WDR17: variants seen among roughly 807,000 people sequenced by gnomAD.
WDR17 encodes the protein WD repeat domain 17.
In WDR17, 143 loss-of-function variants were observed where a neutral mutation model predicts 161.7. The ratio of observed to expected loss-of-function variants is 0.88; its 90% CI spans 0.77 to 1.02. The LOEUF (loss-of-function observed/expected upper bound fraction) is 1.02. Among genes scored for constraint, WDR17 ranks in the 50% least tolerant of loss-of-function variants. The probability of loss-of-function intolerance (pLI) is 0.00; values close to 1 mark genes in which losing one functional copy is unlikely to be tolerated. For synonymous variants in WDR17, 517 were observed against 515.6 expected, an observed-to-expected ratio of 1.00 and a Z score of -0.04; for missense variants, 1,469 against 1,520.9, an observed-to-expected ratio of 0.97 and a Z score of 0.57.
chr4:176,152,108 G>A (rs770495133), intron 17 of WDR17, 141 bp downstream of exon 17: 6 of 724,724 alleles, frequency 8.3e-6, no homozygotes, highest in East Asian at 3.1e-5. Context: ...CCAGGAGTTC[G>A]ATACTAGCCT....
chr4:176,119,055 G>A (rs1027540679), intron 3 of WDR17, among the ~76,000 whole-genome samples: 1 of 152,068 alleles, frequency 6.6e-6, no homozygotes, highest in Non-Finnish European at 1.5e-5. Flanking sequence ...TCATGATTTT[G>A]ATGCAGCCAG....
chr4:176,125,803 C>T (rs1742359954), intron 5 of WDR17, among the ~76,000 whole-genome samples: 1 of 152,128 alleles, frequency 6.6e-6, no homozygotes, highest in Admixed American at 6.5e-5. Context: ...CAGAATACCA[C>T]AAGCTGAGTA....
chr4:176,124,271 C>T (rs1407017228), intron 4 of WDR17, among the ~76,000 whole-genome samples: 1 of 152,286 alleles, frequency 6.6e-6, no homozygotes, highest in South Asian at 2.1e-4. Context: ...CAGTGGAGTT[C>T]CCATGTGGTA....
rs1746975075 is a variant in WDR17 at position 176,150,686 on chromosome 4, A to C, written c.2304+93A>C. ...AATGATTTTAAAAATATATATGATT[A>C]GATCGGTAGATTTAAATAAATGAAC... On this transcript the variant is annotated intron_variant, in intron 16 of 28. Transcript: ENST00000508596. The C allele has an allele frequency of 3.1e-6, 4 of 1,274,216 alleles. No homozygotes were observed. The South Asian group carries it at 7.3e-5, about 23-fold the overall frequency. The allele number at this position is 1,274,216 out of a possible 1,614,324, so 78.9% of individuals were successfully genotyped here.
At chr4:176,173,200 TA>T (rs147618442) in intron 24 of WDR17, 66 bp from the exon 25 acceptor site, 1 of 1,076,380 alleles carries the variant, frequency 9.3e-7, no homozygotes, top group Non-Finnish European at 1.4e-6. Flanking sequence ...TTATATAAGT[TA>T]AAAATGGATG....
chr4:176,133,197 T>TA (rs1743794966), intron 7 of WDR17, among the ~76,000 whole-genome samples: 1 of 144,148 alleles, frequency 6.9e-6, no homozygotes. Context: ...TTTTTTTTTT[T>TA]ACCACTTCAC....
At chr4:176,144,769 A>G (rs1579179027) in intron 11 of WDR17, among the ~76,000 whole-genome samples, 1 of 152,152 alleles carries the variant, frequency 6.6e-6, no homozygotes, top group Admixed American at 6.5e-5. Flanking sequence ...TGAACCTTGA[A>G]CATACCAAAG....
At chr4:176,160,786 T>G (rs1160775740) in intron 19 of WDR17, 125 bp from the exon 20 acceptor site, 1 of 787,480 alleles carries the variant, frequency 1.3e-6, no homozygotes, top group African/African-American at 1.8e-5. Flanking sequence ...ATTCTAAGAT[T>G]ATCTCCAAAT....
rs869298899 is a variant in WDR17, at chr4:176,177,985, C to CAAAAAAAAAAAAAAAA, written c.3732+362_3732+377dup. Among the ~76,000 whole-genome samples the CAAAAAAAAAAAAAAAA allele has an allele frequency of 3.5e-4, 16 of 46,298 alleles. 1 individual carries two copies. The highest frequency in any genetic ancestry group is 4.6e-4 in the Non-Finnish European group (12 of 26,032). The allele number at this position is 46,298 out of a possible 152,430, so 30.4% of individuals were successfully genotyped here. On this transcript the variant is annotated intron_variant, in intron 28 of 28. Transcript: ENST00000508596. Reference sequence around the variant, plus strand: ...GGGCAACAAGAGTGAAACTCCGTCTCAAAAAAAAAAAAAAAAAAAAAAAAA... The same window carrying CAAAAAAAAAAAAAAAA: ...GGGCAACAAGAGTGAAACTCCGTCTCAAAAAAAAAAAAAAAAAAAAAAAAAAAAAAAAAAAAAAAAA...
intron 13 of WDR17, among the ~76,000 whole-genome samples, chr4:176,148,857 A>G (rs1746630022): frequency 6.6e-6 from 1 of 152,154 alleles, no homozygotes; most frequent in Non-Finnish European, 1.5e-5. Flanking sequence ...CCATTTGCAC[A>G]TCTCTTCACT....
At chr4:176,107,715 TGA>T (rs1738980506) in intron 1 of WDR17, among the ~76,000 whole-genome samples, 1 of 152,060 alleles carries the variant, frequency 6.6e-6, no homozygotes, top group African/African-American at 2.4e-5. Flanking sequence ...TTGTCACTCT[TGA>T]GTTTTAGGAA....
intron 1 of WDR17, among the ~76,000 whole-genome samples, chr4:176,090,722 A>T (rs1044741974): frequency 6.6e-6 from 1 of 152,188 alleles, no homozygotes; most frequent in Non-Finnish European, 1.5e-5. Flanking sequence ...TAGAGTATGG[A>T]GTGGGAAATT....
At chr4:176,104,419 A>G (rs1049556476) in intron 1 of WDR17, among the ~76,000 whole-genome samples, 6 of 152,104 alleles carry the variant, frequency 3.9e-5, no homozygotes, top group Non-Finnish European at 8.8e-5. Flanking sequence ...CATTTAAGAG[A>G]ATAAAATATT....
At chr4:176,070,122 G>A (rs1733035841) in intron 1 of WDR17, among the ~76,000 whole-genome samples, 1 of 152,148 alleles carries the variant, frequency 6.6e-6, no homozygotes, top group Non-Finnish European at 1.5e-5. Flanking sequence ...GCTGGCTTAT[G>A]TTCTACTTCT....
rs111341420 is a variant in WDR17, at chr4:176,174,623, A to G, written c.3354A>G (p.Arg1118=). 6.2e-7 allele frequency: 1 copy of G among 1,605,182 alleles called. No homozygotes were observed. The highest frequency in any genetic ancestry group is 8.5e-7 in the Non-Finnish European group (1 of 1,175,736). The change falls in exon 26 of 29, where the codon CGA becomes CGG. Residue 1118 remains arginine (R), a synonymous_variant. Coordinates refer to ENST00000508596, the MANE Select transcript of WDR17 (RefSeq NM_181265.4). The part of the protein sequence containing the change: ...KLLLHTCTEA[R]NELLILCGYI... Reference sequence around the variant, plus strand: ...TAAATATATTCTCTTTTAGAGCTCGAAATGAGTTGCTGATATTATGTGGTT... The same window carrying G: ...TAAATATATTCTCTTTTAGAGCTCGGAATGAGTTGCTGATATTATGTGGTT...
chr4:176,091,062 C>A (rs1386962846), intron 1 of WDR17, among the ~76,000 whole-genome samples: 1 of 152,184 alleles, frequency 6.6e-6, no homozygotes, highest in Non-Finnish European at 1.5e-5. Flanking sequence ...ATGGCCATCA[C>A]AAGCATGTCA....
intron 18 of WDR17, among the ~76,000 whole-genome samples, chr4:176,159,060 T>C (rs1748596668): frequency 6.6e-6 from 1 of 152,170 alleles, no homozygotes; most frequent in African/African-American, 2.4e-5. Flanking sequence ...GCAAATATCA[T>C]GAAAAATACT....
chr4:176,161,924 C>T (rs930044532), intron 20 of WDR17, 151 bp from the exon 21 acceptor site: 1 of 580,450 alleles, frequency 1.7e-6, no homozygotes, highest in Non-Finnish European at 2.9e-6. Flanking sequence ...GACCACTTTC[C>T]TGATTTATTT....
At position 176,122,975 on chromosome 4, in the gene WDR17, G is replaced by A. The variant is rs559439670; in HGVS notation, c.539-2129G>A. 3.3e-5 allele frequency among the ~76,000 whole-genome samples: 5 copies of A among 152,210 alleles called. No individual in the cohort carries two copies. In the East Asian group the frequency reaches 9.7e-4, roughly 29 times the overall value. ...AGCCTGAAAAGCACCATGTTATCCT[G>A]TATTATTTACTGGATTTTCTTGTAA... On this transcript the variant is annotated intron_variant, in intron 4 of 28. Coordinates refer to ENST00000508596, the MANE Select transcript of WDR17 (RefSeq NM_181265.4).
Sources: allele counts gnomAD v4.1 joint callset (sites outside exome capture counted in the v4.1 genomes callset), GRCh38; gene constraint gnomAD v4.1.1; transcripts MANE v1.5; gene names NCBI Gene and HGNC (gene_info 2026-07-23, HGNC 2026-07-21).